SLC61A1: variants seen among roughly 807,000 people sequenced by gnomAD.
SLC61A1 encodes the protein major facilitator superfamily domain containing 5.
chr12:53,253,630 C>G, the SLC61A1 span: 2 of 1,613,978 alleles, frequency 1.2e-6, no homozygotes, highest in African/African-American at 2.7e-5. Context: ...TCATCTTCAT[C>G]TTTGTCTTCC....
At chr12:53,253,650 C>G in the SLC61A1 span, 1 of 1,614,102 alleles carries the variant, frequency 6.2e-7, no homozygotes, top group Admixed American at 1.7e-5. Flanking sequence ...CTCTGGACAC[C>G]TGTGCTGGAC....
the SLC61A1 span, chr12:53,251,815 C>A: frequency 6.5e-7 from 1 of 1,537,262 alleles, no homozygotes; most frequent in Non-Finnish European, 8.7e-7. Flanking sequence ...TTAGGAAGCT[C>A]CAACCCTTGG....
At chr12:53,251,792 G>A in the SLC61A1 span, 4 of 1,537,308 alleles carry the variant, frequency 2.6e-6, no homozygotes, top group South Asian at 3.6e-5. Flanking sequence ...GCTTCGGGCA[G>A]CGGTGCTGTT....
the SLC61A1 span, chr12:53,251,802 TC>T: frequency 1.6e-5 from 24 of 1,537,122 alleles, no homozygotes; most frequent in African/African-American, 2.7e-5. Flanking sequence ...GCGGTGCTGT[TC>T]CTTAGGAAGC....
chr12:53,253,796 ATCG>A, the SLC61A1 span: 1 of 1,614,162 alleles, frequency 6.2e-7, no homozygotes, highest in Non-Finnish European at 8.5e-7. Context: ...TGCTGTGCTC[ATCG>A]TCGTCTTCTC....
chr12:53,253,736 A>G, the SLC61A1 span: 111 of 1,613,882 alleles, frequency 6.9e-5, no homozygotes, highest in Non-Finnish European at 9.1e-5. Context: ...CCTGTACCGT[A>G]TCGCCACCTC....
the SLC61A1 span, chr12:53,252,156 AG>A: frequency 7.0e-7 from 1 of 1,433,898 alleles, no homozygotes; most frequent in Non-Finnish European, 9.1e-7. Flanking sequence ...GCAGGCTGTG[AG>A]GGGCGGGAGC....
At chr12:53,252,136 GC>G in the SLC61A1 span, 1 of 1,439,184 alleles carries the variant, frequency 6.9e-7, no homozygotes, top group Non-Finnish European at 9.1e-7. Context: ...GGCCTGCCCG[GC>G]TCCCGGAAGC....
At chr12:53,251,649 C>T in the SLC61A1 span, 1 of 1,385,078 alleles carries the variant, frequency 7.2e-7, no homozygotes, top group Non-Finnish European at 9.6e-7. Context: ...CAGGACTGCG[C>T]CTTAGTCTGT....
the SLC61A1 span, chr12:53,252,908 C>A: frequency 6.2e-7 from 1 of 1,614,190 alleles, no homozygotes; most frequent in Non-Finnish European, 8.5e-7. Context: ...GTCAAGATGC[C>A]GGGCTAAACC....
chr12:53,252,903 G>T, the SLC61A1 span: 1 of 1,614,186 alleles, frequency 6.2e-7, no homozygotes, highest in Non-Finnish European at 8.5e-7. Flanking sequence ...GAACTGTCAA[G>T]ATGCCGGGCT....
At chr12:53,253,554 T>G in the SLC61A1 span, 1 of 1,614,080 alleles carries the variant, frequency 6.2e-7, no homozygotes, top group Non-Finnish European at 8.5e-7. Flanking sequence ...GCTGGAGGCC[T>G]GCGCTGCCTC....
At chr12:53,252,168 G>C in the SLC61A1 span, 1 of 1,430,428 alleles carries the variant, frequency 7.0e-7, no homozygotes, top group Admixed American at 3.0e-5. Flanking sequence ...GGGCGGGAGC[G>C]CTGCTGGAAC....
the SLC61A1 span, chr12:53,252,844 G>A: frequency 1.8e-4 from 291 of 1,613,732 alleles, no homozygotes; most frequent in Non-Finnish European, 2.4e-4. Flanking sequence ...CCATGCTGGT[G>A]ACTGCCTACC....
At chr12:53,252,972 A>C in the SLC61A1 span, 1 of 1,614,188 alleles carries the variant, frequency 6.2e-7, no homozygotes, top group Non-Finnish European at 8.5e-7. Flanking sequence ...CTGGACTTCT[A>C]TCAGGTCTAC....
At chr12:53,252,014 G>A in the SLC61A1 span, 22 of 1,529,610 alleles carry the variant, frequency 1.4e-5, no homozygotes, top group Admixed American at 2.8e-4. Flanking sequence ...CCCACCCCAG[G>A]CGTCAGGAGT....
the SLC61A1 span, chr12:53,253,601 C>T: frequency 6.2e-7 from 1 of 1,613,786 alleles, no homozygotes; most frequent in African/African-American, 1.3e-5. Flanking sequence ...GGGCACCATA[C>T]AAGCTCTATT....
At chr12:53,253,352 C>G in the SLC61A1 span, 7 of 1,614,136 alleles carry the variant, frequency 4.3e-6, no homozygotes, top group African/African-American at 4.0e-5. Context: ...TACCTTTGCT[C>G]GAGCTGCCTT....
At chr12:53,252,961 A>ACTGGACTT in the SLC61A1 span, 1 of 1,614,102 alleles carries the variant, frequency 6.2e-7, no homozygotes, top group Non-Finnish European at 8.5e-7. Flanking sequence ...TTCGGTTTCA[A>ACTGGACTT]CTGGACTTCT....
Sources: gnomAD v4.1 joint callset for allele counts on GRCh38, gnomAD v4.1.1 for gene constraint, MANE v1.5 for transcripts, NCBI Gene and HGNC (gene_info 2026-07-23, HGNC 2026-07-21) for gene names.